MYO6: variants seen among roughly 807,000 people sequenced by gnomAD.
MYO6 encodes the protein unconventional myosin-VI.
In MYO6, 74 loss-of-function variants were observed where a neutral mutation model predicts 178.7. The observed-to-expected ratio is 0.41, with a 90% CI of 0.34 to 0.50. MYO6 has a LOEUF of 0.50. MYO6 is among the 20% of genes least tolerant of loss of function. The probability of loss-of-function intolerance (pLI) is 0.09; values close to 1 mark genes in which losing one functional copy is unlikely to be tolerated. For missense variants in MYO6, 1,330 were observed against 1,547.4 expected, an observed-to-expected ratio of 0.86 and a Z score of 2.36; for synonymous variants, 477 against 504.6, an observed-to-expected ratio of 0.95 and a Z score of 0.73.
Position 75,866,960 on chromosome 6 carries a change from C to T in MYO6, c.1799C>T (p.Ala600Val). The change falls in exon 18 of 35, where the codon GCT becomes GTT. Residue 600 changes from alanine (A) to valine (V), a missense_variant. Ala to Val is a moderately conservative substitution (Grantham distance 64). This residue lies in a region of MYO6 where 613 missense variants were observed against 816.8 expected (regional missense o/e 0.75). Coordinates refer to ENST00000369977, the MANE Select transcript of MYO6 (RefSeq NM_004999.4). The part of the protein sequence containing the change: ...TTQFVEKNND[A>V]LHMSLESLIC... ...CAGTTTGTGGAGAAAAATAATGATG[C>T]TTTACATATGTCTCTTGAATCCTTA... 6.2e-7 allele frequency: 1 copy of T among 1,613,876 alleles called. No individual in the cohort carries two copies. Among genetic ancestry groups the T allele is most frequent in the Non-Finnish European group, 8.5e-7 (1 of 1,179,886 alleles).
At chr6:75,787,444 G>T (rs986007487) in intron 1 of MYO6, among the ~76,000 whole-genome samples, 2 of 152,016 alleles carry the variant, frequency 1.3e-5, no homozygotes, top group Non-Finnish European at 2.9e-5. Context: ...CAACATGCAT[G>T]AATCTCACAA....
At chr6:75,796,480 T>C (rs552536338) in intron 1 of MYO6, among the ~76,000 whole-genome samples, 1 of 152,204 alleles carries the variant, frequency 6.6e-6, no homozygotes, top group Non-Finnish European at 1.5e-5. Context: ...ACAGGTTTGT[T>C]ACATGGGTAT....
Position 75,911,669 on chromosome 6 carries a change from C to A in MYO6, c.3413-3C>A. The A allele has an allele frequency of 1.9e-6, 3 of 1,610,836 alleles. No homozygotes were observed. The highest frequency in any genetic ancestry group is 2.5e-6 in the Non-Finnish European group (3 of 1,177,384). ...TTCTTCAACATAAAATATTTGTTCA[C>A]AGATTTTGCACCATTTTTGAACAAT... is the stretch of plus-strand genomic sequence containing the variant. On this transcript the variant is annotated splice_polypyrimidine_tract_variant and splice_region_variant and intron_variant, in intron 32 of 34. Transcript: ENST00000369977.
chr6:75,750,441 A>T (rs1042991314), intron 1 of MYO6, among the ~76,000 whole-genome samples: 1 of 151,550 alleles, frequency 6.6e-6, no homozygotes, highest in Admixed American at 6.6e-5. Context: ...TGGTGGAGGG[A>T]TGCTTAAATC....
rs373411819 is a variant in MYO6 at position 75,827,681 on chromosome 6, T to C, written c.188-859T>C. On this transcript the variant is annotated intron_variant, in intron 3 of 34. Transcript: ENST00000369977. ...TAGAAATGGAAAGAAAGGAGATAGG[T>C]TGAGAGATTCAGATTATGCTTTGAG... Among the ~76,000 whole-genome samples the C allele has an allele frequency of 3.9e-5, 6 of 152,204 alleles. No homozygotes were observed. The East Asian group carries it at 5.8e-4, about 15-fold the overall frequency.
chr6:75,872,265 C>T (rs1777217915), intron 19 of MYO6, among the ~76,000 whole-genome samples: 1 of 152,200 alleles, frequency 6.6e-6, no homozygotes, highest in Admixed American at 6.5e-5. Context: ...AGCTTCAGTA[C>T]TCAACAATAC....
intron 1 of MYO6, among the ~76,000 whole-genome samples, chr6:75,781,254 C>G (rs1766952488): frequency 6.6e-6 from 1 of 152,056 alleles, no homozygotes; most frequent in South Asian, 2.1e-4. Context: ...GAAAGGGGTA[C>G]CTAATCCTGA....
In MYO6 at chr6:75,855,166, C is replaced by T. The variant is rs775900818; in HGVS notation, c.1106C>T (p.Ala369Val). 1.9e-6 allele frequency: 3 copies of T among 1,611,462 alleles called. No individual in the cohort carries two copies. The highest frequency in any genetic ancestry group is 2.2e-5 in the East Asian group (1 of 44,818). Residue 369 changes from alanine (A) to valine (V), a missense_variant, in exon 12 of 35, where the codon GCT becomes GTT. By Grantham distance (64) the Ala-to-Val change is moderately conservative (BLOSUM62 0). Around this residue, in one of 3 missense-constraint regions of MYO6, gnomAD observed 613 missense variants for 816.8 expected, o/e 0.75. Coordinates refer to ENST00000369977, the MANE Select transcript of MYO6 (RefSeq NM_004999.4). Reference protein sequence around the residue: ...SGGCNLKNKSAQSLEYCAELL... With the variant: ...SGGCNLKNKSVQSLEYCAELL... ...GGTTGTAATCTGAAGAATAAATCTG[C>T]TCAGTCTTTGGAATATTGTGCTGAA...
At chr6:75,896,001 C>A (rs2149382651) in intron 29 of MYO6, among the ~76,000 whole-genome samples, 1 of 152,096 alleles carries the variant, frequency 6.6e-6, no homozygotes, top group East Asian at 1.9e-4. Context: ...GTATCTTTTT[C>A]ATATGAAAAT....
At chr6:75,799,488 T>A (rs1272176020) in intron 1 of MYO6, among the ~76,000 whole-genome samples, 8 of 152,182 alleles carry the variant, frequency 5.3e-5, no homozygotes, top group African/African-American at 1.9e-4. Flanking sequence ...AGAGTCTCAT[T>A]TTTGTAATTC....
intron 1 of MYO6, among the ~76,000 whole-genome samples, chr6:75,799,389 T>TAAAAAAAAAAAA (rs11358717): frequency 7.5e-6 from 1 of 133,730 alleles, no homozygotes; most frequent in African/African-American, 2.7e-5. Flanking sequence ...AAACTCTGTC[T>TAAAAAAAAAAAA]AAAAAAAAAA....
chr6:75,800,190 A>T (rs922446207), intron 1 of MYO6, among the ~76,000 whole-genome samples: 2 of 152,166 alleles, frequency 1.3e-5, no homozygotes, highest in Non-Finnish European at 2.9e-5. Context: ...CAGTCCCGTA[A>T]TAAGAGTGAG....
At chr6:75,805,914 T>C (rs1388915271) in intron 1 of MYO6, among the ~76,000 whole-genome samples, 1 of 152,164 alleles carries the variant, frequency 6.6e-6, no homozygotes, top group Non-Finnish European at 1.5e-5. Context: ...TTATAGTGAG[T>C]GAGTATCTTT....
chr6:75,761,666 G>A (rs966235326), intron 1 of MYO6, among the ~76,000 whole-genome samples: 2 of 150,796 alleles, frequency 1.3e-5, no homozygotes, highest in African/African-American at 4.9e-5. Flanking sequence ...ATGTGCAACT[G>A]TATACAGAGG....
chr6:75,757,851 A>G (rs988939304), intron 1 of MYO6, among the ~76,000 whole-genome samples: 1 of 151,956 alleles, frequency 6.6e-6, no homozygotes, highest in Admixed American at 6.6e-5. Context: ...TGGCTAGCAC[A>G]TAGTGTACAT....
chr6:75,751,530 G>C (rs1449934225), intron 1 of MYO6, among the ~76,000 whole-genome samples: 1 of 152,114 alleles, frequency 6.6e-6, no homozygotes. Context: ...ATTAAATATT[G>C]CATTAAAAAC....
chr6:75,824,406 T>A (rs554054966), intron 3 of MYO6, among the ~76,000 whole-genome samples: 1 of 152,280 alleles, frequency 6.6e-6, no homozygotes, highest in African/African-American at 2.4e-5. Context: ...CAACTTTGGT[T>A]GTTGAGTTTA....
intron 10 of MYO6, among the ~76,000 whole-genome samples, chr6:75,845,645 G>T (rs1774660448): frequency 1.3e-5 from 2 of 151,940 alleles, no homozygotes; most frequent in East Asian, 3.9e-4. Context: ...AGTGAGCCAC[G>T]ATCATGCCAT....
chr6:75,765,267 C>A (rs896369061), intron 1 of MYO6, among the ~76,000 whole-genome samples: 38 of 149,190 alleles, frequency 2.5e-4, no homozygotes, highest in African/African-American at 7.9e-4. Flanking sequence ...ACCTCCACCC[C>A]CTGGGTCCAA....
Sources: gnomAD v4.1 joint callset for allele counts (sites outside exome capture counted in the v4.1 genomes callset) on GRCh38, gnomAD v4.1.1 for gene constraint, gnomAD v4.1.1 regional missense constraint, MANE v1.5 for transcripts, NCBI Gene and HGNC (gene_info 2026-07-23, HGNC 2026-07-21) for gene names.